Variants in CDK5RAP2 observed in about 807,000 individuals in gnomAD.
The protein encoded by CDK5RAP2 is CDK5 regulatory subunit-associated protein 2.
A neutral mutation model predicts 232.9 loss-of-function variants in CDK5RAP2; 147 were observed. The observed-to-expected ratio is 0.63, with a 90% CI of 0.55 to 0.72. The LOEUF (loss-of-function observed/expected upper bound fraction) is 0.72. Ranked by LOEUF, CDK5RAP2 falls within the 30% of genes least tolerant of loss-of-function variation. CDK5RAP2 has a pLI of 0.00. For missense variants in CDK5RAP2, 2,195 were observed against 2,231.5 expected, an observed-to-expected ratio of 0.98 and a Z score of 0.33; for synonymous variants, 833 against 833.7, an observed-to-expected ratio of 1.00 and a Z score of 0.01.
intron 18 of CDK5RAP2, among the ~76,000 whole-genome samples, chr9:120,462,988 A>T (rs1184759466): frequency 6.6e-6 from 1 of 152,188 alleles, no homozygotes; most frequent in African/African-American, 2.4e-5. Flanking sequence ...TGTGAATAGA[A>T]CCTAGGTGGT....
intron 12 of CDK5RAP2, among the ~76,000 whole-genome samples, chr9:120,512,327 T>C (rs1166526736): frequency 6.6e-6 from 1 of 152,164 alleles, no homozygotes; most frequent in African/African-American, 2.4e-5. Context: ...ACAGCCTGAG[T>C]GACAGAGTGA....
chr9:120,576,778 T>C (rs906222395), intron 1 of CDK5RAP2, among the ~76,000 whole-genome samples: 3 of 150,852 alleles, frequency 2.0e-5, no homozygotes, highest in African/African-American at 7.3e-5. Context: ...AAAAGGACAA[T>C]AAAAATATCA....
At chr9:120,549,868 T>A (rs896462394) in intron 4 of CDK5RAP2, among the ~76,000 whole-genome samples, 15 of 152,174 alleles carry the variant, frequency 9.9e-5, no homozygotes, top group African/African-American at 3.4e-4. Flanking sequence ...AAAACTTTCA[T>A]AAGGGACAAA....
rs1419695666 is a variant in CDK5RAP2, at chr9:120,389,061, C to G, written c.*175G>C. 7.7e-6 allele frequency: 5 copies of G among 648,376 alleles called. No homozygotes were observed. Among genetic ancestry groups the G allele is most frequent in the Non-Finnish European group, 1.4e-5 (5 of 369,282 alleles). 40.2% of individuals were successfully genotyped at this position (648,376 alleles called of 1,614,324 possible). A position where few individuals can be genotyped will look rare whatever the true frequency, so the allele number is the denominator to read the frequency against. Reference sequence around the variant, plus strand: ...ACCACCCGTTTGTGGAGCACCTGCACCTTTCTGACAACAACTCTCAAGCCA... The same window carrying G: ...ACCACCCGTTTGTGGAGCACCTGCAGCTTTCTGACAACAACTCTCAAGCCA... On this transcript the variant is annotated 3_prime_UTR_variant, in exon 38 of 38. Transcript: ENST00000349780.
At chr9:120,460,030 G>A (rs575308624) in intron 19 of CDK5RAP2, among the ~76,000 whole-genome samples, 5 of 152,220 alleles carry the variant, frequency 3.3e-5, no homozygotes, top group South Asian at 2.1e-4. Flanking sequence ...CTATGTGTAC[G>A]GGGGTGAGAT....
At chr9:120,510,331 A>C (rs1436489980) in intron 12 of CDK5RAP2, among the ~76,000 whole-genome samples, 1 of 152,178 alleles carries the variant, frequency 6.6e-6, no homozygotes, top group African/African-American at 2.4e-5. Flanking sequence ...ACTGAAGCAC[A>C]CACTTGTCAG....
At chr9:120,561,616 A>G (rs2042467889) in intron 3 of CDK5RAP2, among the ~76,000 whole-genome samples, 1 of 151,666 alleles carries the variant, frequency 6.6e-6, no homozygotes, top group Admixed American at 6.6e-5. Flanking sequence ...ACAGAAATTT[A>G]AAACTGAATC....
intron 24 of CDK5RAP2, 52 bp from the exon 25 acceptor site, chr9:120,437,579 TG>T: frequency 1.5e-6 from 2 of 1,355,458 alleles, no homozygotes; most frequent in Non-Finnish European, 2.1e-6. Flanking sequence ...ATTGAATTTT[TG>T]TGACCTTAAC....
At chr9:120,467,064 G>A (rs184926108) in intron 18 of CDK5RAP2, among the ~76,000 whole-genome samples, 1 of 152,284 alleles carries the variant, frequency 6.6e-6, no homozygotes, top group Admixed American at 6.5e-5. Flanking sequence ...AATGAAGAGG[G>A]AAACAACATC....
At chr9:120,549,029 C>G (rs148232599) in intron 4 of CDK5RAP2, among the ~76,000 whole-genome samples, 37 of 152,114 alleles carry the variant, frequency 2.4e-4, no homozygotes, top group Admixed American at 4.6e-4. Context: ...TGCTGGCGTG[C>G]ACATGTAATC....
At chr9:120,509,775 C>T (rs932758228) in intron 12 of CDK5RAP2, among the ~76,000 whole-genome samples, 1 of 152,182 alleles carries the variant, frequency 6.6e-6, no homozygotes, top group African/African-American at 2.4e-5. Context: ...AATGGGCATA[C>T]TATGGTTCGA....
rs201033982 is a variant in CDK5RAP2 at position 120,416,104 on chromosome 9, GT to G, written c.4178-946del. 8.3e-3 allele frequency among the ~76,000 whole-genome samples: 1,267 copies of G among 152,226 alleles called. 18 individuals carry two copies. Among genetic ancestry groups the G allele is most frequent in the African/African-American group, 0.029 (1,200 of 41,526 alleles). On this transcript the variant is annotated intron_variant, in intron 27 of 37. Coordinates refer to ENST00000349780, the MANE Select transcript of CDK5RAP2 (RefSeq NM_018249.6). The stretch of plus-strand genomic sequence containing the variant: ...AAGACTTCTGTGACCACATGTGAGG[GT>G]TTTTTCCCCCACAGACTAAGCAAAC...
chr9:120,464,200 C>T (rs1445433027), intron 18 of CDK5RAP2, among the ~76,000 whole-genome samples: 3 of 152,100 alleles, frequency 2.0e-5, no homozygotes, highest in African/African-American at 7.2e-5. Context: ...TCTCCCCCTG[C>T]CTCTTGAGCT....
chr9:120,468,059 C>T (rs1054442577), intron 17 of CDK5RAP2, 62 bp from the exon 18 acceptor site: 6 of 1,577,290 alleles, frequency 3.8e-6, no homozygotes, highest in African/African-American at 2.7e-5. Flanking sequence ...TTCCCAGGGC[C>T]GCAGCCCCAG....
In CDK5RAP2 at chr9:120,460,752, T is replaced by C. The variant is rs573995407; in HGVS notation, c.2107-85A>G. On this transcript the variant is annotated intron_variant, in intron 18 of 37. Coordinates refer to ENST00000349780, the MANE Select transcript of CDK5RAP2 (RefSeq NM_018249.6). ...GTATGAATAAGTCAGTGATGTCTTT[T>C]TTTTTTTAATGCAAAACAAAAAGCA... 13 of 1,571,572 alleles carry C rather than the reference T, an allele frequency of 8.3e-6. No individual in the cohort carries two copies. The African/African-American group carries it at 1.2e-4, about 15-fold the overall frequency.
chr9:120,549,108 A>G (rs2041958068), intron 4 of CDK5RAP2, among the ~76,000 whole-genome samples: 1 of 151,496 alleles, frequency 6.6e-6, no homozygotes, highest in African/African-American at 2.4e-5. Context: ...GTAAGCCAAG[A>G]TTGTGCCACT....
intron 36 of CDK5RAP2, among the ~76,000 whole-genome samples, chr9:120,390,670 G>A (rs2031861715): frequency 6.6e-6 from 1 of 152,128 alleles, no homozygotes; most frequent in Non-Finnish European, 1.5e-5. Context: ...AACAGGGCTT[G>A]GTGAGAGTAA....
chr9:120,389,001 C>A lies in CDK5RAP2; in HGVS notation c.*235G>T. ...CTCAACTCCGGTGCCTGCCCCTGAT[C>A]TGAAATACAACATCCAAGAGCTCGA... On this transcript the variant is annotated 3_prime_UTR_variant, in exon 38 of 38. Transcript: ENST00000349780. 1.7e-6 allele frequency: 1 copy of A among 590,694 alleles called. No individual in the cohort carries two copies. The highest frequency in any genetic ancestry group is 3.0e-5 in the Admixed American group (1 of 33,138). The allele number at this position is 590,694 out of a possible 1,614,324, so 36.6% of individuals were successfully genotyped here.
chr9:120,437,166 G>A (rs540074119), intron 25 of CDK5RAP2, 129 bp downstream of exon 25: 29 of 731,318 alleles, frequency 4.0e-5, no homozygotes, highest in East Asian at 1.3e-4. Context: ...GTGTGGTTCT[G>A]CTGTCACCTC....
Sources: gnomAD v4.1 joint callset for allele counts (sites outside exome capture counted in the v4.1 genomes callset) on GRCh38, gnomAD v4.1.1 for gene constraint, MANE v1.5 for transcripts, NCBI Gene and HGNC (gene_info 2026-07-23, HGNC 2026-07-21) for gene names.